Variants in NDST3 observed in about 807,000 individuals in gnomAD.
NDST3 encodes N-deacetylase and N-sulfotransferase 3.
NDST3 carries 58 observed loss-of-function variants against 96.1 expected under a neutral mutation model. The ratio of observed to expected loss-of-function variants is 0.60; its 90% confidence interval spans 0.49 to 0.75. NDST3 has a LOEUF of 0.75. NDST3 is among the 30% of genes least tolerant of loss of function. The pLI is 0.00. For synonymous variants in NDST3, 333 were observed against 359.7 expected (o/e 0.93, Z 0.84); for missense variants, 788 against 1,034.2 (o/e 0.76, Z 3.27).
chr4:118,231,110 C>T (rs1030297955), intron 8 of NDST3, among the ~76,000 whole-genome samples: 6 of 151,906 alleles, frequency 3.9e-5, no homozygotes, highest in Admixed American at 6.6e-5. Context: ...CTGAGGTGGG[C>T]GGATCACCTG....
chr4:118,251,144 T>TG (rs1741701286), intron 12 of NDST3, among the ~76,000 whole-genome samples: 1 of 144,340 alleles, frequency 6.9e-6, no homozygotes, highest in Non-Finnish European at 1.5e-5. Context: ...TTTTTTTTTT[T>TG]GAGACGGAGT....
intron 4 of NDST3, among the ~76,000 whole-genome samples, chr4:118,133,557 G>C (rs1307579954): frequency 6.6e-6 from 1 of 152,056 alleles, no homozygotes; most frequent in Non-Finnish European, 1.5e-5. Context: ...CTGATTTTTT[G>C]TTCTTCTGAT....
intron 12 of NDST3, among the ~76,000 whole-genome samples, chr4:118,248,893 T>C (rs561122688): frequency 2.0e-5 from 3 of 152,326 alleles, no homozygotes; most frequent in Non-Finnish European, 2.9e-5. Context: ...TGGTTCTCCA[T>C]GAAGGACCAG....
At chr4:118,130,089 G>C (rs1732483647) in intron 4 of NDST3, among the ~76,000 whole-genome samples, 1 of 151,998 alleles carries the variant, frequency 6.6e-6, no homozygotes, top group Non-Finnish European at 1.5e-5. Flanking sequence ...TATAAGTGAA[G>C]TGTGTTTCTT....
rs377531754 is a variant in NDST3 at position 118,054,518 on chromosome 4, G to A, written c.608G>A (p.Arg203His). ...ATTAATCCTCATTCTCCATTGATTCGTGTGACCAAATCTTCCAAGCTTGAA... is the reference window on the plus strand; with the variant it reads ...ATTAATCCTCATTCTCCATTGATTCATGTGACCAAATCTTCCAAGCTTGAA... Reference protein sequence around the residue: ...CCINPHSPLIRVTKSSKLEKG... With the variant: ...CCINPHSPLIHVTKSSKLEKG... Residue 203 changes from arginine (R) to histidine (H), a missense_variant, in exon 2 of 14, where the codon CGT becomes CAT. Physicochemically the swap from Arg to His is conservative, Grantham distance 29. Transcript: ENST00000296499. 34 of 1,613,038 alleles carry A rather than the reference G, an allele frequency of 2.1e-5. No individual in the cohort carries two copies. The highest frequency in any genetic ancestry group is 3.3e-4 in the Middle Eastern group (2 of 6,078).
At chr4:118,044,547 G>A (rs531017212) in intron 1 of NDST3, among the ~76,000 whole-genome samples, 38 of 152,314 alleles carry the variant, frequency 2.5e-4, no homozygotes, top group African/African-American at 8.4e-4. Flanking sequence ...CTGCACTGGC[G>A]TGCCAGATCA....
At chr4:118,076,670 C>A (rs1258758774) in intron 2 of NDST3, among the ~76,000 whole-genome samples, 1 of 152,090 alleles carries the variant, frequency 6.6e-6, no homozygotes, top group Admixed American at 6.6e-5. Context: ...CTTAAAACGG[C>A]TGTTTTATCT....
chr4:118,214,580 T>A (rs924984178), intron 6 of NDST3, among the ~76,000 whole-genome samples: 10 of 152,208 alleles, frequency 6.6e-5, no homozygotes, highest in African/African-American at 2.4e-4. Flanking sequence ...ACAGTATGTA[T>A]CTACTGGACA....
At chr4:118,059,132 A>G (rs1400396946) in intron 2 of NDST3, among the ~76,000 whole-genome samples, 1 of 152,202 alleles carries the variant, frequency 6.6e-6, no homozygotes, top group Non-Finnish European at 1.5e-5. Context: ...TCAAACTTTG[A>G]GAAAATTCCT....
chr4:118,234,123 C>T (rs951869205), intron 9 of NDST3, among the ~76,000 whole-genome samples: 2 of 152,092 alleles, frequency 1.3e-5, no homozygotes, highest in African/African-American at 2.4e-5. Context: ...AAGAAACCAT[C>T]GACAGTGGCC....
intron 6 of NDST3, among the ~76,000 whole-genome samples, chr4:118,184,689 C>T (rs964223819): frequency 1.3e-5 from 2 of 151,358 alleles, no homozygotes; most frequent in African/African-American, 4.9e-5. Context: ...AACCCTAAGA[C>T]ATTTTTAATA....
chr4:118,194,294 A>G, intron 6 of NDST3: 1 of 733,218 alleles, frequency 1.4e-6, no homozygotes, highest in South Asian at 1.5e-5. Context: ...GCAAGTCTGT[A>G]ATTCTGTAGA....
intron 12 of NDST3, among the ~76,000 whole-genome samples, chr4:118,242,615 A>G (rs1231433029): frequency 6.6e-6 from 1 of 152,186 alleles, no homozygotes; most frequent in African/African-American, 2.4e-5. Context: ...AGAGAGATGT[A>G]CTATTATCGC....
chr4:118,183,814 T>A (rs1225256696), intron 6 of NDST3, among the ~76,000 whole-genome samples: 1 of 152,244 alleles, frequency 6.6e-6, no homozygotes, highest in Non-Finnish European at 1.5e-5. Context: ...TAATCGTAAA[T>A]TGGCTAAGCC....
chr4:118,044,784 T>C (rs998797412), intron 1 of NDST3, among the ~76,000 whole-genome samples: 5 of 152,138 alleles, frequency 3.3e-5, no homozygotes, highest in African/African-American at 7.2e-5. Flanking sequence ...TGTCATCTCA[T>C]GGTGGAAGGT....
rs1251418297 is a variant in NDST3 at position 118,206,365 on chromosome 4, A to C, written c.1540-18126A>C. Among the ~76,000 whole-genome samples the C allele has an allele frequency of 2.1e-5, 3 of 145,230 alleles. No individual in the cohort carries two copies. In the East Asian group the frequency reaches 5.9e-4, roughly 29 times the overall value. ...ACCTATTTGGACCTTTAGGTGGGTA[A>C]TATTTGAGATGGTCCTTGAAAGTTG... is the stretch of plus-strand genomic sequence containing the variant. On this transcript the variant is annotated intron_variant, in intron 6 of 13. Transcript: ENST00000296499.
chr4:118,184,398 T>C (rs776392478), intron 6 of NDST3, among the ~76,000 whole-genome samples: 29 of 152,178 alleles, frequency 1.9e-4, no homozygotes, highest in Middle Eastern at 3.4e-3. Context: ...AAAGCCTTAA[T>C]AGAAAAAGAC....
At chr4:118,167,315 C>T (rs1243895907) in intron 6 of NDST3, among the ~76,000 whole-genome samples, 1 of 151,594 alleles carries the variant, frequency 6.6e-6, no homozygotes, top group Non-Finnish European at 1.5e-5. Flanking sequence ...TTTATAATAG[C>T]ATAAAAAAGA....
At chr4:118,134,187 T>G (rs1232766766) in intron 4 of NDST3, among the ~76,000 whole-genome samples, 1 of 152,158 alleles carries the variant, frequency 6.6e-6, no homozygotes, top group Non-Finnish European at 1.5e-5. Flanking sequence ...GATGCTGAGG[T>G]AGAAAAGTGC....
Sources: allele counts gnomAD v4.1 joint callset (sites outside exome capture counted in the v4.1 genomes callset), GRCh38; gene constraint gnomAD v4.1.1; transcripts MANE v1.5; gene names NCBI Gene and HGNC (gene_info 2026-07-23, HGNC 2026-07-21).